ZNF462: variants seen among roughly 807,000 people sequenced by gnomAD.
ZNF462 encodes zinc finger protein 462.
A neutral mutation model predicts 201.9 loss-of-function variants in ZNF462; 10 were observed. The observed-to-expected ratio is 0.05, with a 90% CI of 0.03 to 0.08. The LOEUF (loss-of-function observed/expected upper bound fraction) is 0.08. ZNF462 is among the 10% of genes least tolerant of loss of function. The pLI, the probability that ZNF462 is intolerant of heterozygous loss-of-function variation, is 1.00. For synonymous variants in ZNF462, 1,227 were observed against 1,193.3 expected (o/e 1.03, Z -0.58); for missense variants, 2,523 against 3,168.3 (o/e 0.80, Z 4.89).
intron 1 of ZNF462, among the ~76,000 whole-genome samples, chr9:106,881,740 G>A (rs896383612): frequency 6.6e-6 from 1 of 152,162 alleles, no homozygotes; most frequent in Non-Finnish European, 1.5e-5. Flanking sequence ...GGCTAAAGAG[G>A]CTGAGCAATA....
intron 1 of ZNF462, among the ~76,000 whole-genome samples, chr9:106,911,744 T>A (rs118100218): frequency 1.1e-4 from 17 of 152,322 alleles, no homozygotes; most frequent in Non-Finnish European, 2.4e-4. Flanking sequence ...TTCAGAATGA[T>A]AACAGGCTTT....
chr9:106,975,277 A>G (rs1329763110), intron 9 of ZNF462: 1 of 152,146 alleles, frequency 6.6e-6, no homozygotes, highest in Non-Finnish European at 1.5e-5. Context: ...AAAGCCTTCC[A>G]ATATTTGTCA....
At chr9:106,862,862 C>T (rs755205665), upstream of ZNF462, among the ~76,000 whole-genome samples, 28 of 152,088 alleles carry the variant, frequency 1.8e-4, no homozygotes, top group Non-Finnish European at 1.0e-4. This position sits in a 1 kb window ranked among gnomAD's most constrained non-coding sequence, Gnocchi z 4.2. Flanking sequence ...TTTCCTTCCT[C>T]TCTGCTGCAC....
intron 7 of ZNF462, 92 bp downstream of exon 7, chr9:106,939,199 TG>T: frequency 7.8e-7 from 1 of 1,277,376 alleles, no homozygotes; most frequent in Non-Finnish European, 1.1e-6. Context: ...GAAAATCTTA[TG>T]TGAAAACATG....
At chr9:106,942,113 G>A (rs1025936200) in intron 7 of ZNF462, among the ~76,000 whole-genome samples, 3 of 152,300 alleles carry the variant, frequency 2.0e-5, no homozygotes, top group East Asian at 3.9e-4. Context: ...CATAAAACCA[G>A]GGAAATCACC....
intron 1 of ZNF462, among the ~76,000 whole-genome samples, chr9:106,911,196 T>C (rs1814218099): frequency 6.6e-6 from 1 of 152,222 alleles, no homozygotes; most frequent in African/African-American, 2.4e-5. Context: ...AGTGTACTCA[T>C]GTTAGTTTCT....
chr9:106,874,841 A>C (rs1170242355), intron 1 of ZNF462, among the ~76,000 whole-genome samples: 1 of 152,186 alleles, frequency 6.6e-6, no homozygotes, highest in East Asian at 1.9e-4. Flanking sequence ...TCAGTGTTTC[A>C]GAATACCTCA....
intron 11 of ZNF462, among the ~76,000 whole-genome samples, chr9:107,004,990 A>G (rs1420760525): frequency 6.6e-6 from 1 of 152,122 alleles, no homozygotes; most frequent in Non-Finnish European, 1.5e-5. Context: ...TGCCTGTCTC[A>G]TTTCACTTAA....
intron 10 of ZNF462, among the ~76,000 whole-genome samples, chr9:106,987,744 G>C (rs926587976): frequency 6.6e-6 from 1 of 152,134 alleles, no homozygotes; most frequent in Non-Finnish European, 1.5e-5. Flanking sequence ...GCCTAAGCCA[G>C]TGTCTAGAAG....
chr9:106,908,360 T>A (rs561801012), intron 1 of ZNF462, among the ~76,000 whole-genome samples: 3 of 152,254 alleles, frequency 2.0e-5, no homozygotes, highest in African/African-American at 7.2e-5. Flanking sequence ...AGCAGAAATA[T>A]TCATAATAAA....
chr9:106,893,638 A>G (rs1351066550), intron 1 of ZNF462, among the ~76,000 whole-genome samples: 1 of 152,174 alleles, frequency 6.6e-6, no homozygotes, highest in African/African-American at 2.4e-5. Flanking sequence ...TCTGATGGAG[A>G]GGGAAAGGGG....
chr9:106,861,113 A>G (rs1827054832), upstream of ZNF462, among the ~76,000 whole-genome samples: 1 of 151,514 alleles, frequency 6.6e-6, no homozygotes, highest in Admixed American at 6.6e-5. Flanking sequence ...CACCCCCGCC[A>G]TCAACACCCT....
rs1830712718 is a variant in ZNF462, at chr9:106,938,226, G to A, written c.6236-690G>A. 6.6e-6 allele frequency among the ~76,000 whole-genome samples: 1 copy of A among 152,064 alleles called. No homozygotes were observed. Among genetic ancestry groups the A allele is most frequent in the African/African-American group, 2.4e-5 (1 of 41,404 alleles). ...AGGCAGTCTTTATTGAAGAATATTG[G>A]AGATAAACACACACACTGTACCCCC... On this transcript the variant is annotated intron_variant, in intron 6 of 12. Transcript: ENST00000277225. This position sits in a 1 kb window ranked among gnomAD's most constrained non-coding sequence, Gnocchi z 4.4.
At position 106,913,555 on chromosome 9, in the gene ZNF462, C is replaced by T. The variant is rs895816911; in HGVS notation, c.-30-9799C>T. 6.6e-6 allele frequency among the ~76,000 whole-genome samples: 1 copy of T among 152,018 alleles called. No homozygotes were observed. The highest frequency in any genetic ancestry group is 1.5e-5 in the Non-Finnish European group (1 of 68,012). On this transcript the variant is annotated intron_variant, in intron 1 of 12. Transcript: ENST00000277225. The surrounding 1 kb of genome is among the most constrained non-coding windows in gnomAD (Gnocchi z 4.1). ...TACACATTGGAGAGGAGAACATATG[C>T]ATTGTTTTTCACAGAAATTTTAGTC...
intron 7 of ZNF462, among the ~76,000 whole-genome samples, chr9:106,969,553 A>C (rs901561048): frequency 6.6e-6 from 1 of 152,152 alleles, no homozygotes; most frequent in East Asian, 1.9e-4. Flanking sequence ...GAGTGCATTC[A>C]TCTGGCTTAT....
At chr9:106,879,332 A>ACCCCCCCCCCCCCCCCCCC (rs796290122) in intron 1 of ZNF462, among the ~76,000 whole-genome samples, 1 of 70,632 alleles carries the variant, frequency 1.4e-5, no homozygotes, top group Non-Finnish European at 2.8e-5. Context: ...GATGCTTTCC[A>ACCCCCCCCCCCCCCCCCCC]CCCCCCCCCC....
At position 106,925,667 on chromosome 9, in the gene ZNF462, G is replaced by T; in HGVS notation, c.1755G>T (p.Thr585=). Residue 585 remains threonine (T), a synonymous_variant, in exon 3 of 13, where the codon ACG becomes ACT. Coordinates refer to ENST00000277225, the MANE Select transcript of ZNF462 (RefSeq NM_021224.6). This position sits in a 1 kb window ranked among gnomAD's most constrained non-coding sequence, Gnocchi z 7.9. ...AGCCACAAACACAGCCACCACCAAC[G>T]CAGCAGCCACAGCCACCCACACAAG... is the stretch of plus-strand genomic sequence containing the variant. ...PPQPQTQPPP[T]QQPQPPTQAA... The T allele has an allele frequency of 6.2e-7, 1 of 1,613,842 alleles. No individual in the cohort carries two copies. Among genetic ancestry groups the T allele is most frequent in the South Asian group, 1.1e-5 (1 of 91,068 alleles).
Position 106,927,361 on chromosome 9 carries a change from C to T in ZNF462, c.3449C>T (p.Ala1150Val), listed in dbSNP as rs1830238019. ...IKVTAKYIRQ[A>V]PPTAAMMRGV... ...GTTACTGCCAAATATATCAGACAGG[C>T]TCCTCCCACAGCTGCAATGATGAGA... Residue 1150 changes from alanine (A) to valine (V), a missense_variant, in exon 3 of 13, where the codon GCT (alanine) becomes GTT (valine). Coordinates refer to ENST00000277225, the MANE Select transcript of ZNF462 (RefSeq NM_021224.6). The T allele has an allele frequency of 6.2e-7, 1 of 1,614,092 alleles. No homozygotes were observed. The highest frequency in any genetic ancestry group is 8.5e-7 in the Non-Finnish European group (1 of 1,180,002).
intron 7 of ZNF462, among the ~76,000 whole-genome samples, chr9:106,948,150 A>G (rs1354015087): frequency 4.6e-5 from 7 of 152,078 alleles, no homozygotes; most frequent in Non-Finnish European, 4.4e-5. Flanking sequence ...ATACAGGAGA[A>G]AGGATCCTGG....
Sources: gnomAD v4.1 joint callset for allele counts (sites outside exome capture counted in the v4.1 genomes callset) on GRCh38, gnomAD v4.1.1 for gene constraint, Gnocchi (gnomAD v3.1) non-coding constraint, MANE v1.5 for transcripts, NCBI Gene and HGNC (gene_info 2026-07-23, HGNC 2026-07-21) for gene names.